Variants in THOC2 observed in about 807,000 individuals in gnomAD.
The protein encoded by THOC2 is THO complex subunit 2, also known as THO complex 2.
A neutral mutation model predicts 128.4 loss-of-function variants in THOC2; 10 were observed. The observed-to-expected ratio is 0.08, with a 90% CI of 0.05 to 0.13. THOC2 has a LOEUF of 0.13. Ranked by LOEUF, THOC2 falls within the 10% of genes least tolerant of loss-of-function variation. THOC2 has a pLI of 1.00. For missense variants in THOC2, 535 were observed against 1,155.7 expected (o/e 0.46, Z 7.79); for synonymous variants, 393 against 396.9 (o/e 0.99, Z 0.12).
At chrX:123,623,342 G>T in intron 28 of THOC2, 59 bp from the exon 29 acceptor site, 12 of 1,034,289 alleles carry the variant, frequency 1.2e-5, no homozygotes, top group Non-Finnish European at 1.6e-5. Context: ...ATAAACATGA[G>T]GTTTTTAAGA....
At position 123,715,519 on chromosome X, in the gene THOC2, C is replaced by T. The variant is rs751636090; in HGVS notation, c.72-2611G>A. 5.1e-3 allele frequency among the ~76,000 whole-genome samples: 558 copies of T among 109,997 alleles called. 2 individuals carry two copies. Among genetic ancestry groups the T allele is most frequent in the Non-Finnish European group, 8.8e-3 (466 of 52,723 alleles). On this transcript the variant is annotated intron_variant, in intron 1 of 38. Transcript: ENST00000245838. ...AAAATCAGCCAGGTGCGGTGGCTCA[C>T]GCTTGTAATCCTAGCACTTTGAGAG...
At chrX:123,640,049 C>CA (rs2047847750) in intron 16 of THOC2, among the ~76,000 whole-genome samples, 1 of 111,181 alleles carries the variant, frequency 9.0e-6, no homozygotes, top group Admixed American at 9.6e-5. Flanking sequence ...TAGCCAAGTG[C>CA]AGTGGCATGC....
At chrX:123,681,699 C>T (rs2049789787) in intron 8 of THOC2, among the ~76,000 whole-genome samples, 1 of 112,258 alleles carries the variant, frequency 8.9e-6, no homozygotes, top group African/African-American at 3.2e-5. Flanking sequence ...TCAAATACAA[C>T]ATGTGGTCTT....
intron 3 of THOC2, among the ~76,000 whole-genome samples, chrX:123,704,452 A>G (rs1347581976): frequency 8.9e-6 from 1 of 111,797 alleles, no homozygotes; most frequent in African/African-American, 3.3e-5. Flanking sequence ...AATAGTGAAC[A>G]CAGTACTCAA....
chrX:123,710,316 CAG>C lies in THOC2; in HGVS notation c.130+2532_130+2533del, dbSNP rs767815564. On this transcript the variant is annotated intron_variant, in intron 2 of 38. Transcript: ENST00000245838. ...AATAATCTAATAGTTATTAAAGATC[CAG>C]AGTCACATGGTTACACTATTTACAC... Among the ~76,000 whole-genome samples the C allele has an allele frequency of 4.3e-3, 478 of 112,083 alleles. 1 individual carries two copies. Among genetic ancestry groups the C allele is most frequent in the African/African-American group, 0.015 (452 of 30,831 alleles).
intron 1 of THOC2, among the ~76,000 whole-genome samples, chrX:123,732,563 CAG>C (rs1266120930): frequency 1.8e-5 from 2 of 111,962 alleles, no homozygotes; most frequent in Non-Finnish European, 3.8e-5. Flanking sequence ...AGAAATGGCA[CAG>C]AGAGAGATGG....
chrX:123,669,482 G>A (rs946634987), intron 9 of THOC2, among the ~76,000 whole-genome samples: 2 of 110,518 alleles, frequency 1.8e-5, no homozygotes, highest in African/African-American at 6.6e-5. Context: ...ACCCCAGGGT[G>A]ATTTTGTACT....
chrX:123,622,234 C>A (rs2047112414), intron 30 of THOC2, among the ~76,000 whole-genome samples: 1 of 109,537 alleles, frequency 9.1e-6, no homozygotes, highest in Non-Finnish European at 1.9e-5. Context: ...CCTGTCTCTA[C>A]TAAAAACACA....
chrX:123,671,165 G>A (rs1426405848), intron 9 of THOC2, among the ~76,000 whole-genome samples: 1 of 111,194 alleles, frequency 9.0e-6, no homozygotes, highest in Non-Finnish European at 1.9e-5. Flanking sequence ...TAGTGCACAC[G>A]AATAACACAA....
At chrX:123,702,397 G>A (rs1444888120) in intron 4 of THOC2, among the ~76,000 whole-genome samples, 2 of 109,237 alleles carry the variant, frequency 1.8e-5, no homozygotes, top group Non-Finnish European at 3.8e-5. Context: ...CAGCACTTTA[G>A]AAGTCTCAGG....
chrX:123,633,920 T>A, intron 20 of THOC2, 33 bp downstream of exon 20: 1 of 939,606 alleles, frequency 1.1e-6, no homozygotes, highest in Non-Finnish European at 1.5e-6. Flanking sequence ...TTATGAATTT[T>A]AAAAGTTGAT....
chrX:123,669,573 C>T (rs1352209681), intron 9 of THOC2, among the ~76,000 whole-genome samples: 2 of 111,469 alleles, frequency 1.8e-5, no homozygotes, highest in Non-Finnish European at 3.8e-5. Flanking sequence ...GCCTTGGCCT[C>T]CCAAAGTGTT....
rs2047492708 is a variant in THOC2, at chrX:123,631,716, G to T, written c.2453C>A (p.Ser818Tyr). The change falls in exon 22 of 39, where the codon TCT becomes TAT. Residue 818 changes from serine (S) to tyrosine (Y), a missense_variant. By Grantham distance (144) the Ser-to-Tyr change is moderately radical. Around this residue, in one of 9 missense-constraint regions of THOC2, gnomAD observed 90 missense variants for 298.6 expected, o/e 0.30. Transcript: ENST00000245838. ...HTPHDAAFFL[S>Y]RPMYAHHISS... ...AATATGATGGGCATACATTGGCCTAGACAGGAAAAATGCTGCATCATGGGG... is the reference window on the plus strand; with the variant it reads ...AATATGATGGGCATACATTGGCCTATACAGGAAAAATGCTGCATCATGGGG... 2 of 1,208,463 alleles carry T rather than the reference G, an allele frequency of 1.7e-6. No individual in the cohort carries two copies.
Position 123,716,827 on chromosome X carries a change from G to C in THOC2, c.72-3919C>G, listed in dbSNP as rs1276703023. Among the ~76,000 whole-genome samples, 3 of 106,450 alleles carry C rather than the reference G, an allele frequency of 2.8e-5. No individual in the cohort carries two copies. The Admixed American group carries it at 3.0e-4, about 11-fold the overall frequency. The allele number at this position is 106,450 out of a possible 115,157, so 92.4% of individuals were successfully genotyped here. ...GCAGGAGAATCGCTTGGACCCAGGA[G>C]GTGGAGGCTGCAGTGCTGCAGTGAG... On this transcript the variant is annotated intron_variant, in intron 1 of 38. Transcript: ENST00000245838.
chrX:123,668,027 T>C, intron 10 of THOC2, 132 bp downstream of exon 10: 1 of 440,861 alleles, frequency 2.3e-6, no homozygotes, highest in Non-Finnish European at 3.6e-6. Flanking sequence ...CTGTAGCAAA[T>C]GATCCAGAAA....
chrX:123,631,615 T>C, intron 22 of THOC2, 73 bp downstream of exon 22: 3 of 1,097,261 alleles, frequency 2.7e-6, no homozygotes, highest in Non-Finnish European at 3.7e-6. Context: ...TGTAGTGATA[T>C]GTACTTACAG....
Position 123,668,231 on chromosome X carries a change from C to T in THOC2, c.945G>A (p.Met315Ile), listed in dbSNP as rs768572180. The T allele has an allele frequency of 8.3e-7, 1 of 1,200,313 alleles. No individual in the cohort carries two copies. Among genetic ancestry groups the T allele is most frequent in the Non-Finnish European group, 1.1e-6 (1 of 888,668 alleles). Reference sequence around the variant, plus strand: ...CCATTTTTTCAGAAGACAACACAACCATCGTAAGCTTTCTAACAATTTGCT... The same window carrying T: ...CCATTTTTTCAGAAGACAACACAACTATCGTAAGCTTTCTAACAATTTGCT... ...EAKQIVRKLTMVVLSSEKMDE... is the reference protein window; with the variant it reads ...EAKQIVRKLTIVVLSSEKMDE... Residue 315 changes from methionine to isoleucine, a missense_variant, in exon 10 of 39, where the codon ATG becomes ATA. By Grantham distance (10) the Met-to-Ile change is conservative. This residue lies in a region of THOC2 where 197 missense variants were observed against 313.4 expected (regional missense o/e 0.63). Coordinates refer to ENST00000245838, the MANE Select transcript of THOC2 (RefSeq NM_001081550.2).
intron 8 of THOC2, among the ~76,000 whole-genome samples, chrX:123,678,267 CTTTTTTTT>C (rs760673764): frequency 1.0e-5 from 1 of 98,290 alleles, no homozygotes; most frequent in Non-Finnish European, 2.1e-5. Flanking sequence ...TGTTTTCAAA[CTTTTTTTT>C]TTTTTTTTGA....
chrX:123,683,185 T>C (rs1440382565), intron 8 of THOC2, among the ~76,000 whole-genome samples: 1 of 111,886 alleles, frequency 8.9e-6, no homozygotes, highest in African/African-American at 3.2e-5. Flanking sequence ...ATCATCTCCT[T>C]TGAACATCAT....
Sources: allele counts gnomAD v4.1 joint callset (sites outside exome capture counted in the v4.1 genomes callset), GRCh38; gene constraint gnomAD v4.1.1; regional missense constraint gnomAD v4.1.1; transcripts MANE v1.5; gene names NCBI Gene and HGNC (gene_info 2026-07-23, HGNC 2026-07-21).